FAM20B: variants seen among roughly 807,000 people sequenced by gnomAD.
FAM20B encodes the protein glycosaminoglycan xylosylkinase.
In FAM20B, 23 loss-of-function variants were observed where a neutral mutation model predicts 43.8. The observed-to-expected ratio is 0.53, with a 90% CI of 0.38 to 0.74. The LOEUF (loss-of-function observed/expected upper bound fraction) is 0.74, where lower values mean the gene tolerates loss of function less well. Ranked by LOEUF, FAM20B falls within the 30% of genes least tolerant of loss-of-function variation. The pLI is 0.00. For synonymous variants in FAM20B, 178 were observed against 192.4 expected (o/e 0.93, Z 0.62); for missense variants, 440 against 510.5 (o/e 0.86, Z 1.33).
chr1:179,065,870 C>G (rs893778626), intron 6 of FAM20B, among the ~76,000 whole-genome samples: 1 of 152,170 alleles, frequency 6.6e-6, no homozygotes, highest in African/African-American at 2.4e-5. Flanking sequence ...GATGAAGGTG[C>G]CAGCAGATTC....
the FAM20B span, among the ~76,000 whole-genome samples, chr1:179,019,049 C>G: frequency 3.3e-5 from 5 of 152,212 alleles, no homozygotes; most frequent in Admixed American, 2.0e-4. Flanking sequence ...CATTTTTGTT[C>G]TGTTTATACC....
At chr1:179,028,453 A>G (rs760218829) in intron 1 of FAM20B, among the ~76,000 whole-genome samples, 2 of 152,206 alleles carry the variant, frequency 1.3e-5, no homozygotes, top group African/African-American at 2.4e-5. Flanking sequence ...ATGGTGGTGC[A>G]CGCCTGTAGT....
In FAM20B at chr1:179,074,235, A is replaced by C. The variant is rs1188449557; in HGVS notation, c.*2091A>C. On this transcript the variant is annotated 3_prime_UTR_variant, in exon 8 of 8. Transcript: ENST00000263733. ...ATTGAATTTAAGAAGACAGACTAGC[A>C]CAAAACACAGAATTCGTGTTAACCA... is the stretch of plus-strand genomic sequence containing the variant. 1 of 152,674 alleles carries C rather than the reference A, an allele frequency of 6.5e-6. No individual in the cohort carries two copies. The highest frequency in any genetic ancestry group is 2.4e-5 in the African/African-American group (1 of 41,452). 9.5% of individuals were successfully genotyped at this position (152,674 alleles called of 1,614,324 possible).
chr1:179,061,545 A>T (rs1651465244), intron 4 of FAM20B, among the ~76,000 whole-genome samples: 2 of 152,064 alleles, frequency 1.3e-5, no homozygotes, highest in Admixed American at 1.3e-4. Flanking sequence ...CTTGGACTAC[A>T]GGCATGAGTC....
intron 1 of FAM20B, among the ~76,000 whole-genome samples, chr1:179,026,777 G>GAT (rs1412801226): frequency 6.6e-6 from 1 of 152,238 alleles, no homozygotes; most frequent in Non-Finnish European, 1.5e-5. Context: ...AGAGCGGACC[G>GAT]ATACGTTTCC....
the FAM20B span, among the ~76,000 whole-genome samples, chr1:179,018,398 C>T: frequency 1.3e-5 from 2 of 152,144 alleles, no homozygotes; most frequent in Admixed American, 6.5e-5. Flanking sequence ...ACTCCACCTC[C>T]CAGGTTCAAG....
At chr1:179,064,641 C>T (rs760437372) in intron 6 of FAM20B, 145 bp downstream of exon 6, 3 of 644,170 alleles carry the variant, frequency 4.7e-6, no homozygotes, top group East Asian at 5.5e-5. Context: ...GCTATTGGTA[C>T]CTGTCCTTCT....
chr1:179,027,866 AAC>A (rs377155065), intron 1 of FAM20B, among the ~76,000 whole-genome samples: 7 of 152,204 alleles, frequency 4.6e-5, no homozygotes, highest in African/African-American at 9.7e-5. Context: ...TTAGAGAAAA[AAC>A]ACATCACTGC....
intron 7 of FAM20B, among the ~76,000 whole-genome samples, chr1:179,070,280 A>T (rs1001844194): frequency 6.6e-6 from 1 of 152,104 alleles, no homozygotes; most frequent in Non-Finnish European, 1.5e-5. Flanking sequence ...TCCTGACCTC[A>T]AGTGATCTGA....
chr1:179,021,700 G>T (rs1327325114), upstream of FAM20B, among the ~76,000 whole-genome samples: 1 of 151,922 alleles, frequency 6.6e-6, no homozygotes, highest in Admixed American at 6.6e-5. Context: ...CAGATTTAAA[G>T]AACAAAATAA....
In FAM20B at chr1:179,063,923, T is replaced by A. The variant is rs1651578080; in HGVS notation, c.575-4T>A. ...AGTGTATTTGGCTCCTTTCTGTCCT[T>A]TAGGAAACAATACTTGTTTTTATGG... On this transcript the variant is annotated splice_polypyrimidine_tract_variant and splice_region_variant and intron_variant, in intron 4 of 7. Transcript: ENST00000263733. 6.3e-7 allele frequency: 1 copy of A among 1,599,530 alleles called. No individual in the cohort carries two copies. Among genetic ancestry groups the A allele is most frequent in the African/African-American group, 1.3e-5 (1 of 74,510 alleles).
chr1:179,064,132 C>T, intron 5 of FAM20B, 34 bp downstream of exon 5: 2 of 1,566,094 alleles, frequency 1.3e-6, no homozygotes, highest in Middle Eastern at 1.7e-4. Flanking sequence ...CTTAATTCTC[C>T]CCTGTGCCTA....
At chr1:179,018,862 T>G in the FAM20B span, among the ~76,000 whole-genome samples, 1 of 152,106 alleles carries the variant, frequency 6.6e-6, no homozygotes, top group Non-Finnish European at 1.5e-5. Context: ...AGTCCCACAA[T>G]CTGCTGTCTG....
At chr1:179,041,786 C>T (rs1397893199) in intron 1 of FAM20B, among the ~76,000 whole-genome samples, 1 of 150,846 alleles carries the variant, frequency 6.6e-6, no homozygotes, top group African/African-American at 2.5e-5. Context: ...GACCCTCTGG[C>T]ATTTTTAGGA....
At chr1:179,063,553 A>C (rs1189928379) in intron 4 of FAM20B, among the ~76,000 whole-genome samples, 1 of 152,214 alleles carries the variant, frequency 6.6e-6, no homozygotes, top group Non-Finnish European at 1.5e-5. Context: ...ACGCCACTGC[A>C]CTCCAGCTTG....
rs1213529284 is a variant in FAM20B, at chr1:179,075,550, G to A, written c.*3406G>A. On this transcript the variant is annotated 3_prime_UTR_variant, in exon 8 of 8. Coordinates refer to ENST00000263733, the MANE Select transcript of FAM20B (RefSeq NM_014864.4). ...ATTTTCTGTGTAAAACAAATTCATA[G>A]GATCTGATTTGCTCAGAGTATTATT... The A allele has an allele frequency of 2.0e-5, 3 of 152,566 alleles. No individual in the cohort carries two copies. Among genetic ancestry groups the A allele is most frequent in the Non-Finnish European group, 2.9e-5 (2 of 68,030 alleles). 9.5% of individuals were successfully genotyped at this position (152,566 alleles called of 1,614,324 possible). A position where few individuals can be genotyped will look rare whatever the true frequency, so the allele number is the denominator to read the frequency against.
At chr1:179,066,948 T>G in intron 7 of FAM20B, 89 bp downstream of exon 7, 1 of 914,004 alleles carries the variant, frequency 1.1e-6, no homozygotes, top group Non-Finnish European at 1.8e-6. Context: ...GCCCTCAAAC[T>G]TTCTGATACC....
intron 6 of FAM20B, among the ~76,000 whole-genome samples, chr1:179,066,443 A>G (rs1651693282): frequency 6.6e-6 from 1 of 151,888 alleles, no homozygotes; most frequent in South Asian, 2.1e-4. Flanking sequence ...AATGGCTTTT[A>G]TTTCTCTCTG....
chr1:179,057,955 AT>A (rs1356654038), intron 4 of FAM20B, among the ~76,000 whole-genome samples: 1 of 152,176 alleles, frequency 6.6e-6, no homozygotes, highest in Non-Finnish European at 1.5e-5. Context: ...GGGAAAGAAT[AT>A]TTTAGGTTTG....
Sources: allele counts gnomAD v4.1 joint callset (sites outside exome capture counted in the v4.1 genomes callset), GRCh38; gene constraint gnomAD v4.1.1; transcripts MANE v1.5; gene names NCBI Gene and HGNC (gene_info 2026-07-23, HGNC 2026-07-21).